Variants in AHCTF1 observed in about 807,000 individuals in gnomAD.
AHCTF1 encodes the protein protein ELYS.
Under a neutral mutation model 248.4 loss-of-function variants are expected in AHCTF1, and 24 were observed. The observed-to-expected ratio is 0.10, with a 90% CI of 0.07 to 0.14. The LOEUF is 0.14. Ranked by LOEUF, AHCTF1 falls within the 10% of genes least tolerant of loss-of-function variation. AHCTF1 has a pLI of 1.00. For synonymous variants in AHCTF1, 786 were observed against 929.8 expected (o/e 0.85, Z 2.81); for missense variants, 2,206 against 2,636.2 (o/e 0.84, Z 3.57).
rs1430740927 is a variant in AHCTF1 at position 246,840,799 on chromosome 1, C to G, written c.*7G>C. 1.9e-6 allele frequency: 3 copies of G among 1,591,224 alleles called. No individual in the cohort carries two copies. The East Asian group carries it at 6.8e-5, about 36-fold the overall frequency. On this transcript the variant is annotated 3_prime_UTR_variant, in exon 36 of 36. Transcript: ENST00000648844. Reference sequence around the variant, plus strand: ...AAATAGGTGTACATTAAAATCTTCCCAAGAAATTACAGCATTTTTCTGCGT... The same window carrying G: ...AAATAGGTGTACATTAAAATCTTCCGAAGAAATTACAGCATTTTTCTGCGT...
chr1:246,844,597 G>A (rs1055508029), intron 33 of AHCTF1, among the ~76,000 whole-genome samples: 3 of 152,038 alleles, frequency 2.0e-5, no homozygotes, highest in Non-Finnish European at 4.4e-5. Flanking sequence ...GGTGGTGCAC[G>A]CCTGTGGTGT....
intron 5 of AHCTF1, among the ~76,000 whole-genome samples, chr1:246,905,983 G>C (rs373464644): frequency 5.9e-5 from 9 of 152,148 alleles, no homozygotes; most frequent in African/African-American, 1.9e-4. Context: ...AATTACTCAA[G>C]TGGATGCATT....
intron 4 of AHCTF1, among the ~76,000 whole-genome samples, chr1:246,910,871 G>A (rs1410359325): frequency 6.6e-6 from 1 of 152,190 alleles, no homozygotes; most frequent in East Asian, 1.9e-4. Flanking sequence ...TATGTGTTCT[G>A]ATGTGGAAAG....
chr1:246,911,612 T>C (rs1213472305), intron 4 of AHCTF1, among the ~76,000 whole-genome samples: 1 of 151,048 alleles, frequency 6.6e-6, no homozygotes. Flanking sequence ...GCCTCCTGAG[T>C]AGCTGGGATT....
At chr1:246,861,867 T>C (rs967792317) in intron 28 of AHCTF1, 92 bp downstream of exon 28, 95 of 1,070,800 alleles carry the variant, frequency 8.9e-5, no homozygotes, top group East Asian at 2.3e-4. Context: ...TATAGTGGTA[T>C]TTAAAAACTT....
intron 1 of AHCTF1, among the ~76,000 whole-genome samples, chr1:246,929,197 T>TC: frequency 6.6e-6 from 1 of 151,846 alleles, no homozygotes; most frequent in Non-Finnish European, 1.5e-5. Flanking sequence ...TCGTCTGAGC[T>TC]CAGGAGTTCG....
chr1:246,848,370 C>T (rs1328694550), intron 33 of AHCTF1, among the ~76,000 whole-genome samples: 4 of 148,806 alleles, frequency 2.7e-5, no homozygotes, highest in African/African-American at 5.2e-5. Context: ...CCCGCCACCA[C>T]GCCCGGATAA....
At chr1:246,877,959 C>A (rs1663097508) in intron 21 of AHCTF1, among the ~76,000 whole-genome samples, 2 of 151,358 alleles carry the variant, frequency 1.3e-5, no homozygotes, top group Non-Finnish European at 2.9e-5. Flanking sequence ...TCAACTCATA[C>A]CCCACCGACA....
At chr1:246,862,229 C>T (rs55727006) in intron 27 of AHCTF1, 76 bp from the exon 28 acceptor site, 220,827 of 1,105,600 alleles carry the variant, frequency 0.2, 24,501 homozygotes, top group East Asian at 0.45. Flanking sequence ...GCCTGTAATC[C>T]CTGCACTTTG....
intron 32 of AHCTF1, 57 bp downstream of exon 32, chr1:246,853,034 A>C (rs1176558751): frequency 3.8e-5 from 52 of 1,381,494 alleles, no homozygotes; most frequent in Non-Finnish European, 5.0e-5. Flanking sequence ...TGTGTCTTGA[A>C]ACAACTAAAC....
chr1:246,847,334 A>G (rs1660350577), intron 33 of AHCTF1, among the ~76,000 whole-genome samples: 1 of 152,042 alleles, frequency 6.6e-6, no homozygotes. Flanking sequence ...TGCTCATGAC[A>G]TAAGTAGGGG....
chr1:246,925,606 T>C (rs1404787577), intron 1 of AHCTF1, among the ~76,000 whole-genome samples: 2 of 152,078 alleles, frequency 1.3e-5, no homozygotes, highest in East Asian at 3.9e-4. Flanking sequence ...GGCAAGATCC[T>C]GTTTCTAAAA....
chr1:246,907,741 C>T lies in AHCTF1; in HGVS notation c.574G>A (p.Gly192Ser). ...VEASDLEVLTGIPAEVPHIRE... is the reference protein window; with the variant it reads ...VEASDLEVLTSIPAEVPHIRE... ...ATGTGTGGTACTTCAGCTGGGATAC[C>T]AGTTAGAACTTCAAGATCTAAAACC... The change falls in exon 5 of 36, where the codon GGT becomes AGT. Residue 192 changes from glycine (G) to serine (S), a missense_variant. This residue lies in a region of AHCTF1 where 650 missense variants were observed against 870.8 expected (regional missense o/e 0.75). Coordinates refer to ENST00000648844, the MANE Select transcript of AHCTF1 (RefSeq NM_001323342.2). 1 of 1,612,386 alleles carries T rather than the reference C, an allele frequency of 6.2e-7. No homozygotes were observed.
At position 246,864,724 on chromosome 1, in the gene AHCTF1, C is replaced by T. The variant is rs1410270510; in HGVS notation, c.3348-608G>A. Among the ~76,000 whole-genome samples, 6 of 67,724 alleles carry T rather than the reference C, an allele frequency of 8.9e-5. 1 individual carries two copies. The Middle Eastern group carries it at 0.016, about 176-fold the overall frequency. 44.4% of individuals were successfully genotyped at this position (67,724 alleles called of 152,430 possible). A position where few individuals can be genotyped will look rare whatever the true frequency, so the allele number is the denominator to read the frequency against. On this transcript the variant is annotated intron_variant, in intron 26 of 35. Transcript: ENST00000648844. ...GCGCGGTGGCGGGCGCCTGTAGTCC[C>T]AGCTACTCGGGAGGCTGAGGCAGGA...
chr1:246,903,664 C>G (rs1312071732), intron 7 of AHCTF1, among the ~76,000 whole-genome samples: 4 of 48,254 alleles, frequency 8.3e-5, no homozygotes, highest in Admixed American at 2.9e-4. Context: ...CCCCCCCCCT[C>G]CGTCTCTGCT....
At chr1:246,845,278 A>T (rs1458966582) in intron 33 of AHCTF1, among the ~76,000 whole-genome samples, 1 of 150,180 alleles carries the variant, frequency 6.7e-6, no homozygotes, top group East Asian at 1.9e-4. Context: ...TATATATAAA[A>T]ATGTTTTCTG....
At chr1:246,898,075 T>G (rs536701969) in intron 12 of AHCTF1, 133 bp downstream of exon 12, 132 of 1,269,444 alleles carry the variant, frequency 1.0e-4, no homozygotes, top group Non-Finnish European at 1.4e-4. Context: ...AGACCACAAC[T>G]GCTGATCACC....
At chr1:246,857,843 T>TTG in intron 29 of AHCTF1, 29 bp from the exon 30 acceptor site, 1 of 1,569,060 alleles carries the variant, frequency 6.4e-7, no homozygotes, top group Non-Finnish European at 8.7e-7. Flanking sequence ...AGAATATTAT[T>TTG]TATGCTAAAT....
intron 29 of AHCTF1, 49 bp downstream of exon 29, chr1:246,860,850 A>T (rs1221202874): frequency 1.3e-6 from 2 of 1,570,710 alleles, no homozygotes; most frequent in African/African-American, 1.4e-5. Flanking sequence ...TATAAACTTT[A>T]TTGAGGGACA....
Sources: gnomAD v4.1 joint callset for allele counts (sites outside exome capture counted in the v4.1 genomes callset) on GRCh38, gnomAD v4.1.1 for gene constraint, gnomAD v4.1.1 regional missense constraint, MANE v1.5 for transcripts, NCBI Gene and HGNC (gene_info 2026-07-23, HGNC 2026-07-21) for gene names.